ADGRG6: variants seen among roughly 807,000 people sequenced by gnomAD.
ADGRG6 encodes adhesion G protein-coupled receptor G6.
Under a neutral mutation model 142.4 loss-of-function variants are expected in ADGRG6, and 84 were observed. The ratio of observed to expected loss-of-function variants is 0.59; its 90% CI spans 0.49 to 0.71. The LOEUF is 0.71. Among genes scored for constraint, ADGRG6 ranks in the 30% least tolerant of loss-of-function variants. The probability of loss-of-function intolerance (pLI) is 0.00; values close to 1 mark genes in which losing one functional copy is unlikely to be tolerated. For missense variants in ADGRG6, 1,367 were observed against 1,466.6 expected, an observed-to-expected ratio of 0.93 and a Z score of 1.11; for synonymous variants, 521 against 520.5, an observed-to-expected ratio of 1.00 and a Z score of -0.01.
chr6:142,429,349 T>C (rs1336886837), intron 22 of ADGRG6, among the ~76,000 whole-genome samples: 2 of 152,164 alleles, frequency 1.3e-5, no homozygotes, highest in South Asian at 2.1e-4. Flanking sequence ...ACATATTGAA[T>C]TGGTGCCAAG....
rs1236283424 is a variant in ADGRG6, at chr6:142,402,637, G to A, written c.1762G>A (p.Ala588Thr). ...TGTTTTAGAAGAAGCAAATGAAGTT[G>A]CTAACCAGATTTTAAATTTAACTGC... ...SNCLKEANEVANQILNLTADG... is the reference protein window; with the variant it reads ...SNCLKEANEVTNQILNLTADG... Residue 588 changes from alanine to threonine, a missense_variant, in exon 13 of 25, where the codon GCT (alanine) becomes ACT (threonine). Coordinates refer to ENST00000367609, the MANE Select transcript of ADGRG6 (RefSeq NM_198569.3). 5 of 1,590,166 alleles carry A rather than the reference G, an allele frequency of 3.1e-6. No homozygotes were observed. The Admixed American group carries it at 8.6e-5, about 27-fold the overall frequency.
At chr6:142,316,731 A>C (rs1778094655) in intron 2 of ADGRG6, among the ~76,000 whole-genome samples, 1 of 152,080 alleles carries the variant, frequency 6.6e-6, no homozygotes, top group Non-Finnish European at 1.5e-5. Context: ...GATCACAGTG[A>C]TTTCAGTGGC....
chr6:142,413,029 T>TTATATATATATATATATATATA (rs139522751), intron 18 of ADGRG6, among the ~76,000 whole-genome samples: 1 of 150,100 alleles, frequency 6.7e-6, no homozygotes, highest in Non-Finnish European at 1.5e-5. Context: ...GAATGGTTAA[T>TTATATATATATATATATATATA]TATATATATA....
chr6:142,391,671 A>C (rs1774907701), intron 7 of ADGRG6, among the ~76,000 whole-genome samples: 1 of 151,868 alleles, frequency 6.6e-6, no homozygotes, highest in South Asian at 2.1e-4. Context: ...GGAATGCCAC[A>C]TTGAGATTAG....
At chr6:142,372,867 G>A (rs1404810223) in intron 4 of ADGRG6, among the ~76,000 whole-genome samples, 2 of 152,152 alleles carry the variant, frequency 1.3e-5, no homozygotes, top group Non-Finnish European at 2.9e-5. Flanking sequence ...TTATTAAGAA[G>A]TCATAGTATA....
intron 2 of ADGRG6, among the ~76,000 whole-genome samples, chr6:142,364,951 G>A (rs1024239507): frequency 8.5e-5 from 13 of 152,162 alleles, no homozygotes; most frequent in African/African-American, 3.1e-4. Flanking sequence ...ATAGGATAAA[G>A]GAAGTCATGC....
At chr6:142,309,465 A>G in intron 1 of ADGRG6, 79 bp from the exon 2 acceptor site, 1 of 954,638 alleles carries the variant, frequency 1.0e-6, no homozygotes, top group Non-Finnish European at 1.6e-6. Context: ...CCCTACTGGA[A>G]ACCTATAGTT....
At chr6:142,363,886 A>G (rs1780829014) in intron 2 of ADGRG6, among the ~76,000 whole-genome samples, 1 of 152,320 alleles carries the variant, frequency 6.6e-6, no homozygotes, top group East Asian at 1.9e-4. Context: ...TGAGTTTCTT[A>G]AAATAGGTTT....
intron 5 of ADGRG6, among the ~76,000 whole-genome samples, chr6:142,382,905 G>C (rs1781837111): frequency 6.6e-6 from 1 of 152,066 alleles, no homozygotes; most frequent in African/African-American, 2.4e-5. Flanking sequence ...AGGAGGTGGG[G>C]TGGGGTAACT....
chr6:142,318,019 T>C (rs55812712), intron 2 of ADGRG6, among the ~76,000 whole-genome samples: 3 of 51,470 alleles, frequency 5.8e-5, no homozygotes, highest in Non-Finnish European at 9.3e-5. Flanking sequence ...ATTTATGTTA[T>C]ATATATTATA....
chr6:142,403,738 A>T, intron 13 of ADGRG6, 64 bp from the exon 14 acceptor site: 1 of 1,033,406 alleles, frequency 9.7e-7, no homozygotes, highest in Non-Finnish European at 1.4e-6. Context: ...GCAGCAAAAC[A>T]TGTATGTTTA....
intron 2 of ADGRG6, among the ~76,000 whole-genome samples, chr6:142,325,180 C>T (rs1367224547): frequency 6.6e-6 from 1 of 152,142 alleles, no homozygotes; most frequent in African/African-American, 2.4e-5. Context: ...GAACTTTGGA[C>T]TTACAGACAA....
chr6:142,391,950 A>T (rs569321307), intron 7 of ADGRG6, among the ~76,000 whole-genome samples: 2 of 151,864 alleles, frequency 1.3e-5, no homozygotes, highest in Admixed American at 1.3e-4. Context: ...TTACATTTAT[A>T]TTTACTTCAT....
In ADGRG6 at chr6:142,363,412, G is replaced by T. The variant is rs12110643; in HGVS notation, c.104-4157G>T. Among the ~76,000 whole-genome samples the T allele has an allele frequency of 1.2e-3, 181 of 152,096 alleles. 2 individuals carry two copies. The highest frequency in any genetic ancestry group is 4.2e-3 in the African/African-American group (176 of 41,506). On this transcript the variant is annotated intron_variant, in intron 2 of 24. Transcript: ENST00000367609. Reference sequence around the variant, plus strand: ...TTTATCAATTGAATTAGGCTTTGGCGTGACTGGAAGACTTTTCATTATAGA... The same window carrying T: ...TTTATCAATTGAATTAGGCTTTGGCTTGACTGGAAGACTTTTCATTATAGA...
chr6:142,408,145 A>T lies in ADGRG6; in HGVS notation c.2269-5A>T. 6.4e-7 allele frequency: 1 copy of T among 1,550,734 alleles called. No individual in the cohort carries two copies. The highest frequency in any genetic ancestry group is 1.9e-5 in the Admixed American group (1 of 51,324). On this transcript the variant is annotated splice_polypyrimidine_tract_variant and splice_region_variant and intron_variant, in intron 15 of 24. Transcript: ENST00000367609. ...TGATACACGCGATTTTTTTTTCTTTAAAAGGATGTAGGACCCCAAAGAAAA... is the reference window on the plus strand; with the variant it reads ...TGATACACGCGATTTTTTTTTCTTTTAAAGGATGTAGGACCCCAAAGAAAA...
In ADGRG6 at chr6:142,380,037, G is replaced by T. The variant is rs566253606; in HGVS notation, c.1070-1914G>T. 5.8e-4 allele frequency among the ~76,000 whole-genome samples: 89 copies of T among 152,156 alleles called. 4 individuals carry two copies. In the South Asian group the frequency reaches 0.018, roughly 31 times the overall value. On this transcript the variant is annotated intron_variant, in intron 4 of 24. Transcript: ENST00000367609. ...GGACAACTCAAAGTAGTGGGGAGAG[G>T]GCTTCCAGGTCATAGGTAGATTTAA...
chr6:142,309,747 T>C (rs1777676973), intron 2 of ADGRG6, 103 bp downstream of exon 2: 2 of 549,458 alleles, frequency 3.6e-6, no homozygotes, highest in Non-Finnish European at 5.7e-6. Flanking sequence ...CTTACTGCCT[T>C]TTTTTTTTTT....
intron 18 of ADGRG6, among the ~76,000 whole-genome samples, chr6:142,412,601 AC>A (rs1231199551): frequency 1.3e-5 from 2 of 152,196 alleles, no homozygotes; most frequent in African/African-American, 4.8e-5. Context: ...CATAGAAGAC[AC>A]CTTTTTAACT....
Position 142,302,286 on chromosome 6 carries a change from G to A in ADGRG6, c.-44G>A. ...GCAGCAGAGCGGGAAAGTGGTGGAG[G>A]ATGATCTTGCGGCCAAAGGGGACCT... On this transcript the variant is annotated 5_prime_UTR_variant, in exon 1 of 25. Coordinates refer to ENST00000367609, the MANE Select transcript of ADGRG6 (RefSeq NM_198569.3). 1.2e-6 allele frequency: 2 copies of A among 1,609,580 alleles called. No homozygotes were observed. The highest frequency in any genetic ancestry group is 1.7e-6 in the Non-Finnish European group (2 of 1,177,696).
Sources: gnomAD v4.1 joint callset for allele counts (sites outside exome capture counted in the v4.1 genomes callset) on GRCh38, gnomAD v4.1.1 for gene constraint, MANE v1.5 for transcripts, NCBI Gene and HGNC (gene_info 2026-07-23, HGNC 2026-07-21) for gene names.